The following CNTN4 variants were observed in gnomAD, a reference collection of about 807,000 sequenced individuals.
The protein encoded by CNTN4 is contactin-4.
Under a neutral mutation model 122.5 loss-of-function variants are expected in CNTN4, and 77 were observed. The ratio of observed to expected loss-of-function variants is 0.63; its 90% CI spans 0.52 to 0.76. The LOEUF is 0.76. Among genes scored for constraint, CNTN4 ranks in the 30% least tolerant of loss-of-function variants. The pLI, the probability that CNTN4 is intolerant of heterozygous loss-of-function variation, is 0.00. For synonymous variants in CNTN4, 512 were observed against 447.0 expected (o/e 1.15, Z -1.83); for missense variants, 1,256 against 1,259.1 (o/e 1.00, Z 0.04).
intron 20 of CNTN4, chr3:3,041,083 G>T (rs1700122830): frequency 6.6e-6 from 1 of 152,218 alleles, no homozygotes; most frequent in African/African-American, 2.4e-5. Context: ...CTCTCACACA[G>T]TCTTCGTTAC....
chr3:2,308,470 A>G lies in CNTN4; in HGVS notation c.-144-30708A>G, dbSNP rs572861307. On this transcript the variant is annotated intron_variant, in intron 2 of 24. Coordinates refer to ENST00000418658, the MANE Select transcript of CNTN4 (RefSeq NM_175607.3). ...CTTCTTTTCCAGGGTTTCAAGGTGG[A>G]AAGTTAAGTTATTGATTTTAAATTT... Among the ~76,000 whole-genome samples the G allele has an allele frequency of 5.8e-4, 88 of 152,018 alleles. 1 individual carries two copies. Among genetic ancestry groups the G allele is most frequent in the African/African-American group, 2.0e-3 (84 of 41,522 alleles).
chr3:2,964,872 T>C (rs1400920467), intron 13 of CNTN4, among the ~76,000 whole-genome samples: 2 of 152,144 alleles, frequency 1.3e-5, no homozygotes, highest in Non-Finnish European at 2.9e-5. Context: ...TGCAGTTGTT[T>C]CCCCTTCACA....
At chr3:2,173,311 A>G in intron 2 of CNTN4, among the ~76,000 whole-genome samples, 1 of 152,178 alleles carries the variant, frequency 6.6e-6, no homozygotes, top group South Asian at 2.1e-4. Flanking sequence ...TAGCCGGTTG[A>G]TGGACTTCAG....
intron 3 of CNTN4, among the ~76,000 whole-genome samples, chr3:2,562,787 G>A (rs1032051133): frequency 2.0e-5 from 3 of 151,620 alleles, no homozygotes; most frequent in Admixed American, 6.6e-5. Context: ...GCAGTGGCAC[G>A]ATCTTGGCTC....
At chr3:2,600,755 A>C (rs959491587) in intron 4 of CNTN4, among the ~76,000 whole-genome samples, 36 of 152,332 alleles carry the variant, frequency 2.4e-4, no homozygotes, top group African/African-American at 7.9e-4. Context: ...TTCTAGTTCT[A>C]GATCCTTGAG....
intron 2 of CNTN4, among the ~76,000 whole-genome samples, chr3:2,269,831 T>G (rs2149806191): frequency 6.6e-6 from 1 of 152,304 alleles, no homozygotes; most frequent in Non-Finnish European, 1.5e-5. Context: ...AAAGATAGTT[T>G]GTAGTAGAGC....
At chr3:2,994,682 A>C (rs1695370229) in intron 14 of CNTN4, among the ~76,000 whole-genome samples, 1 of 151,696 alleles carries the variant, frequency 6.6e-6, no homozygotes, top group African/African-American at 2.4e-5. Context: ...CACTATATAA[A>C]ATTCTTCTGT....
chr3:2,352,840 G>A (rs1299611083), intron 3 of CNTN4, among the ~76,000 whole-genome samples: 3 of 152,226 alleles, frequency 2.0e-5, no homozygotes, highest in Non-Finnish European at 4.4e-5. Context: ...CTGAGTTTTT[G>A]ATGGGGACTT....
intron 2 of CNTN4, among the ~76,000 whole-genome samples, chr3:2,155,197 ATCTCTG>A (rs747916737): frequency 3.3e-5 from 5 of 152,120 alleles, no homozygotes; most frequent in African/African-American, 9.7e-5. Flanking sequence ...TAATTTTCCC[ATCTCTG>A]TCTCTCTCTA....
chr3:2,202,929 C>T (rs1399072426), intron 2 of CNTN4, among the ~76,000 whole-genome samples: 1 of 151,908 alleles, frequency 6.6e-6, no homozygotes, highest in East Asian at 1.9e-4. Context: ...GTTCGAGATT[C>T]TCCTGGCTTA....
At chr3:2,779,768 A>G (rs905118187) in intron 6 of CNTN4, among the ~76,000 whole-genome samples, 1 of 152,222 alleles carries the variant, frequency 6.6e-6, no homozygotes, top group African/African-American at 2.4e-5. Flanking sequence ...AAGCCATACA[A>G]TAAGTGGTGG....
intron 3 of CNTN4, among the ~76,000 whole-genome samples, chr3:2,441,005 A>G (rs891937771): frequency 3.3e-5 from 5 of 151,344 alleles, no homozygotes; most frequent in African/African-American, 1.2e-4. Context: ...ATGTGTGTAT[A>G]TATATATAAA....
In CNTN4 at chr3:2,272,225, T is replaced by C. The variant is rs139029630; in HGVS notation, c.-144-66953T>C. Among the ~76,000 whole-genome samples the C allele has an allele frequency of 3.4e-3, 517 of 152,178 alleles. 4 individuals carry two copies. The highest frequency in any genetic ancestry group is 0.012 in the African/African-American group (492 of 41,560). ...ACTACTGTAGCTATTACAAGCAAAATAGAAAATTAGGTAAAGATGATTAAA... is the reference window on the plus strand; with the variant it reads ...ACTACTGTAGCTATTACAAGCAAAACAGAAAATTAGGTAAAGATGATTAAA... On this transcript the variant is annotated intron_variant, in intron 2 of 24. Transcript: ENST00000418658.
rs570180654 is a variant in CNTN4, at chr3:2,520,802, G to A, written c.-88-50614G>A. 1.4e-3 allele frequency among the ~76,000 whole-genome samples: 214 copies of A among 152,096 alleles called. 3 individuals carry two copies. The highest frequency in any genetic ancestry group is 5.0e-3 in the African/African-American group (207 of 41,498). ...GTTTAAGCACAGTCATTTTTCTTGCGTACCTGTGCAGATGACAGAATCACC... is the reference window on the plus strand; with the variant it reads ...GTTTAAGCACAGTCATTTTTCTTGCATACCTGTGCAGATGACAGAATCACC... On this transcript the variant is annotated intron_variant, in intron 3 of 24. Transcript: ENST00000418658.
chr3:2,535,694 G>T (rs1279691525), intron 3 of CNTN4, among the ~76,000 whole-genome samples: 2 of 152,090 alleles, frequency 1.3e-5, no homozygotes, highest in Admixed American at 6.6e-5. Context: ...ACCTTAAAAA[G>T]CATCTCTGTT....
intron 2 of CNTN4, among the ~76,000 whole-genome samples, chr3:2,316,382 A>C (rs1389613357): frequency 6.6e-6 from 1 of 152,116 alleles, no homozygotes; most frequent in African/African-American, 2.4e-5. Flanking sequence ...TGAAAGCTCA[A>C]ATTACACTAA....
At chr3:2,966,252 A>G (rs138028527) in intron 13 of CNTN4, among the ~76,000 whole-genome samples, 1 of 152,192 alleles carries the variant, frequency 6.6e-6, no homozygotes, top group African/African-American at 2.4e-5. Flanking sequence ...TTTTTTTTAC[A>G]GTTGATAGCT....
At chr3:2,592,118 C>T (rs1241798259) in intron 4 of CNTN4, among the ~76,000 whole-genome samples, 1 of 152,046 alleles carries the variant, frequency 6.6e-6, no homozygotes, top group Non-Finnish European at 1.5e-5. Flanking sequence ...TGGCCTCGAG[C>T]AGTCCTCCCT....
chr3:2,698,432 A>G (rs1314334160), intron 4 of CNTN4, among the ~76,000 whole-genome samples: 1 of 152,138 alleles, frequency 6.6e-6, no homozygotes, highest in Non-Finnish European at 1.5e-5. Flanking sequence ...CTTCATGCGG[A>G]CCACGCCGTA....
Sources: gnomAD v4.1 joint callset for allele counts (sites outside exome capture counted in the v4.1 genomes callset) on GRCh38, gnomAD v4.1.1 for gene constraint, MANE v1.5 for transcripts, NCBI Gene and HGNC (gene_info 2026-07-23, HGNC 2026-07-21) for gene names.